RAD23B: variants seen among roughly 807,000 people sequenced by gnomAD.
RAD23B encodes lysine-specific demethylase RAD23B.
RAD23B carries 5 observed loss-of-function variants against 49.1 expected under a neutral mutation model. The observed-to-expected ratio is 0.10, with a 90% CI of 0.05 to 0.21. The LOEUF (loss-of-function observed/expected upper bound fraction) is 0.21. Ranked by LOEUF, RAD23B falls within the 10% of genes least tolerant of loss-of-function variation. RAD23B has a pLI of 1.00. For synonymous variants in RAD23B, 184 were observed against 165.4 expected, an observed-to-expected ratio of 1.11 and a Z score of -0.86; for missense variants, 356 against 486.7, an observed-to-expected ratio of 0.73 and a Z score of 2.53.
intron 1 of RAD23B, among the ~76,000 whole-genome samples, chr9:107,294,178 G>A (rs11573636): frequency 6.6e-5 from 10 of 151,956 alleles, no homozygotes; most frequent in African/African-American, 2.2e-4. Context: ...TTCCTTTGGA[G>A]GAAAAAAGAA....
rs1043737252 is a variant in RAD23B, at chr9:107,330,820, G to A, written c.*1164G>A. On this transcript the variant is annotated 3_prime_UTR_variant, in exon 10 of 10. Transcript: ENST00000358015. The surrounding 1 kb of genome is among the most constrained non-coding windows in gnomAD (Gnocchi z 4.4). ...AAGTCTTTTGGATGGGTTGGGAGAT[G>A]TGGCTGGAAAGTACTTTGGAAAATA... The A allele has an allele frequency of 6.6e-6, 1 of 152,654 alleles. No homozygotes were observed. Among genetic ancestry groups the A allele is most frequent in the African/African-American group, 2.4e-5 (1 of 41,434 alleles). The allele number at this position is 152,654 out of a possible 1,614,324, so 9.5% of individuals were successfully genotyped here.
chr9:107,326,627 C>CTTTTTTTT (rs796381629), intron 9 of RAD23B, among the ~76,000 whole-genome samples: 16 of 67,568 alleles, frequency 2.4e-4, no homozygotes, highest in East Asian at 6.3e-4. Flanking sequence ...TTTTGTATTT[C>CTTTTTTTT]TTTTTTTTTT....
At chr9:107,319,977 C>G (rs998996346) in intron 6 of RAD23B, among the ~76,000 whole-genome samples, 2 of 152,194 alleles carry the variant, frequency 1.3e-5, no homozygotes, top group African/African-American at 4.8e-5. Context: ...TTGCCTGATT[C>G]TAACCCTTTT....
chr9:107,284,220 C>T (rs1424301488), intron 1 of RAD23B: 3 of 985,630 alleles, frequency 3.0e-6, no homozygotes, highest in Non-Finnish European at 3.6e-6. Context: ...TTGCCCCTTT[C>T]CCCTCAGAAT....
intron 7 of RAD23B, 73 bp from the exon 8 acceptor site, chr9:107,323,817 T>A: frequency 7.3e-7 from 1 of 1,367,964 alleles, no homozygotes. Flanking sequence ...GTTTGCTGTC[T>A]AAATGTATTA....
In RAD23B at chr9:107,318,674, A is replaced by G. The variant is rs376671665; in HGVS notation, c.554-78A>G. The G allele has an allele frequency of 2.1e-6, 3 of 1,434,874 alleles. No individual in the cohort carries two copies. In the African/African-American group the frequency reaches 4.2e-5, roughly 20 times the overall value. The allele number at this position is 1,434,874 out of a possible 1,614,324, so 88.9% of individuals were successfully genotyped here. A position where few individuals can be genotyped will look rare whatever the true frequency, so the allele number is the denominator to read the frequency against. On this transcript the variant is annotated intron_variant, in intron 5 of 9. Coordinates refer to ENST00000358015, the MANE Select transcript of RAD23B (RefSeq NM_002874.5). This position sits in a 1 kb window ranked among gnomAD's most constrained non-coding sequence, Gnocchi z 4.3. ...AGCATAGTAGTTCCTGAAATGTTGTATACATGAATCAATAAATGTATAGAG... is the reference window on the plus strand; with the variant it reads ...AGCATAGTAGTTCCTGAAATGTTGTGTACATGAATCAATAAATGTATAGAG...
At chr9:107,313,371 A>T (rs973353841) in intron 5 of RAD23B, among the ~76,000 whole-genome samples, 4 of 151,978 alleles carry the variant, frequency 2.6e-5, no homozygotes, top group Non-Finnish European at 5.9e-5. Context: ...GATTACAGGC[A>T]CGTGCCACCA....
At chr9:107,329,146 C>G (rs1164269483) in intron 9 of RAD23B, among the ~76,000 whole-genome samples, 1 of 152,178 alleles carries the variant, frequency 6.6e-6, no homozygotes, top group Non-Finnish European at 1.5e-5. Context: ...TGCAGGTACT[C>G]TCATCCTTAT....
chr9:107,287,855 AAAAC>A (rs1398481740), intron 1 of RAD23B, among the ~76,000 whole-genome samples: 1 of 151,944 alleles, frequency 6.6e-6, no homozygotes, highest in Non-Finnish European at 1.5e-5. Context: ...AAAAAACAAA[AAAAC>A]TGTGTGTGTA....
intron 5 of RAD23B, 119 bp downstream of exon 5, chr9:107,311,856 A>T: frequency 1.4e-6 from 1 of 728,002 alleles, no homozygotes; most frequent in Non-Finnish European, 2.2e-6. Flanking sequence ...AAGCTGTAAG[A>T]TGATTGATTT....
At chr9:107,311,352 C>A (rs1021582450) in intron 4 of RAD23B, among the ~76,000 whole-genome samples, 4 of 152,104 alleles carry the variant, frequency 2.6e-5, no homozygotes, top group Non-Finnish European at 5.9e-5. Flanking sequence ...TTTAACTTCT[C>A]ATGTAAATTA....
chr9:107,287,571 A>G (rs896240709), intron 1 of RAD23B, among the ~76,000 whole-genome samples: 1 of 152,196 alleles, frequency 6.6e-6, no homozygotes, highest in African/African-American at 2.4e-5. Flanking sequence ...TTGTTATAAA[A>G]TACTGCTTTA....
chr9:107,293,105 TG>T lies in RAD23B; in HGVS notation c.67-7034del, dbSNP rs1275665488. On this transcript the variant is annotated intron_variant, in intron 1 of 9. Coordinates refer to ENST00000358015, the MANE Select transcript of RAD23B (RefSeq NM_002874.5). ...TGACTTCCTCACATGGCTAACAGCTTGGTGATGGTTATTGACTGGAGGCCTC... is the reference window on the plus strand; with the variant it reads ...TGACTTCCTCACATGGCTAACAGCTTGTGATGGTTATTGACTGGAGGCCTC... Among the ~76,000 whole-genome samples the T allele has an allele frequency of 8.6e-5, 13 of 150,664 alleles. No individual in the cohort carries two copies. In the East Asian group the frequency reaches 2.5e-3, roughly 29 times the overall value.
At chr9:107,325,043 C>T in intron 9 of RAD23B, 39 bp downstream of exon 9, 1 of 1,571,406 alleles carries the variant, frequency 6.4e-7, no homozygotes, top group Non-Finnish European at 8.7e-7. Context: ...TAGTTCTTGG[C>T]TGGGCTCATG....
intron 4 of RAD23B, among the ~76,000 whole-genome samples, chr9:107,309,707 G>A (rs1445692465): frequency 2.0e-5 from 3 of 151,964 alleles, no homozygotes; most frequent in Admixed American, 6.6e-5. Context: ...AGAGGCAGGC[G>A]GATCACAAGG....
At chr9:107,298,883 C>A (rs914853558) in intron 1 of RAD23B, among the ~76,000 whole-genome samples, 17 of 151,678 alleles carry the variant, frequency 1.1e-4, no homozygotes, top group African/African-American at 4.1e-4. Flanking sequence ...AAATGGGGAA[C>A]AGTGGAAAAT....
chr9:107,311,372 A>G (rs2133084695), intron 4 of RAD23B, among the ~76,000 whole-genome samples: 1 of 152,218 alleles, frequency 6.6e-6, no homozygotes, highest in East Asian at 1.9e-4. Context: ...ATTTCAGGTA[A>G]ATAATTGTGC....
Position 107,311,678 on chromosome 9 carries a change from G to A in RAD23B, c.498-4G>A, listed in dbSNP as rs373904260. ...AATGTGATTTTTCTAAAATCCTTTT[G>A]TAGTACATCGGGTGATTCTTCTCGG... On this transcript the variant is annotated splice_region_variant and splice_polypyrimidine_tract_variant and intron_variant, in intron 4 of 9. Transcript: ENST00000358015. 6.4e-6 allele frequency: 10 copies of A among 1,570,398 alleles called. No individual in the cohort carries two copies. Among genetic ancestry groups the A allele is most frequent in the Admixed American group, 2.0e-5 (1 of 49,510 alleles).
intron 8 of RAD23B, 70 bp from the exon 9 acceptor site, chr9:107,324,764 A>T: frequency 7.2e-7 from 1 of 1,398,540 alleles, no homozygotes; most frequent in Non-Finnish European, 9.6e-7. Flanking sequence ...AGTAATATTT[A>T]GAATTTCTCT....
Sources: gnomAD v4.1 joint callset for allele counts (sites outside exome capture counted in the v4.1 genomes callset) on GRCh38, gnomAD v4.1.1 for gene constraint, Gnocchi (gnomAD v3.1) non-coding constraint, MANE v1.5 for transcripts, NCBI Gene and HGNC (gene_info 2026-07-23, HGNC 2026-07-21) for gene names.